DUSP16: variants seen among roughly 807,000 people sequenced by gnomAD.
DUSP16 encodes the protein dual specificity protein phosphatase 16.
A neutral mutation model predicts 58.3 loss-of-function variants in DUSP16; 21 were observed. That is an observed-to-expected ratio of 0.36 (90% CI 0.26 to 0.52). The LOEUF is 0.52. DUSP16 is among the 20% of genes least tolerant of loss of function. The probability of loss-of-function intolerance (pLI) is 0.94; values close to 1 mark genes in which losing one functional copy is unlikely to be tolerated. For missense variants in DUSP16, 726 were observed against 819.0 expected, an observed-to-expected ratio of 0.89 and a Z score of 1.39; for synonymous variants, 320 against 323.8, an observed-to-expected ratio of 0.99 and a Z score of 0.12.
intron 1 of DUSP16, among the ~76,000 whole-genome samples, chr12:12,560,560 C>T (rs959240184): frequency 1.3e-5 from 2 of 152,066 alleles, no homozygotes; most frequent in African/African-American, 4.8e-5. Context: ...AACCTTTCAC[C>T]GTGCCTACTC....
chr12:12,492,831 A>C (rs1943779881), intron 4 of DUSP16, among the ~76,000 whole-genome samples: 1 of 152,076 alleles, frequency 6.6e-6, no homozygotes, highest in Non-Finnish European at 1.5e-5. Flanking sequence ...TTCTTGACCT[A>C]AAGTACTACT....
intron 1 of DUSP16, among the ~76,000 whole-genome samples, chr12:12,533,112 A>G (rs970697768): frequency 1.7e-4 from 26 of 152,230 alleles, no homozygotes; most frequent in African/African-American, 5.5e-4. Flanking sequence ...TCACATGTTT[A>G]TGACTATGAA....
intron 1 of DUSP16, among the ~76,000 whole-genome samples, chr12:12,551,313 C>A (rs1442538046): frequency 1.3e-5 from 2 of 151,874 alleles, no homozygotes; most frequent in East Asian, 3.9e-4. Context: ...ACCAGCCTAA[C>A]CAACATGGCG....
At chr12:12,487,286 T>G in intron 4 of DUSP16, 99 bp from the exon 5 acceptor site, 1 of 1,305,394 alleles carries the variant, frequency 7.7e-7, no homozygotes, top group Non-Finnish European at 1.1e-6. Flanking sequence ...AATGCCCAGT[T>G]TCCTTGAAAT....
chr12:12,503,068 G>C (rs567469191), intron 3 of DUSP16, among the ~76,000 whole-genome samples: 2 of 3,062 alleles, frequency 6.5e-4, no homozygotes, highest in Admixed American at 6.1e-3. Flanking sequence ...GATTTGTCAA[G>C]TTACTTAAGC....
intron 3 of DUSP16, among the ~76,000 whole-genome samples, chr12:12,503,080 CCTCCTACTCTAATT>C (rs1419451135): frequency 2.0e-5 from 3 of 152,026 alleles, no homozygotes; most frequent in African/African-American, 7.3e-5. Context: ...TACTTAAGCC[CCTCCTACTCTAATT>C]TCCTCATCTA....
At chr12:12,558,789 CTGAGG>C (rs71997147) in intron 1 of DUSP16, among the ~76,000 whole-genome samples, 47,600 of 151,800 alleles carry the variant, frequency 0.31, 8,292 homozygotes, top group East Asian at 0.4. Context: ...TCTCTTGTTG[CTGAGG>C]TATCAGAGGG....
Position 12,516,364 on chromosome 12 carries a change from A to T in DUSP16, c.367+3498T>A, listed in dbSNP as rs543178575. Among the ~76,000 whole-genome samples the T allele has an allele frequency of 2.6e-5, 4 of 152,338 alleles. No homozygotes were observed. The South Asian group carries it at 6.2e-4, about 24-fold the overall frequency. ...TGAAACAATGCTATGGCTTAGTTTG[A>T]CTTGGTTAGTAGGTTATTTACTAAT... On this transcript the variant is annotated intron_variant, in intron 3 of 6. Transcript: ENST00000298573.
chr12:12,483,364 CTTATT>C (rs1225182088), intron 5 of DUSP16, among the ~76,000 whole-genome samples: 1 of 151,916 alleles, frequency 6.6e-6, no homozygotes, highest in Non-Finnish European at 1.5e-5. Context: ...ATCTATTTTA[CTTATT>C]TTTATTTTAT....
chr12:12,530,622 T>C (rs1944369943), intron 1 of DUSP16, among the ~76,000 whole-genome samples: 1 of 152,200 alleles, frequency 6.6e-6, no homozygotes, highest in African/African-American at 2.4e-5. Context: ...TAGTACAATT[T>C]CTTCCTTAAA....
chr12:12,539,089 C>G (rs1242666218), intron 1 of DUSP16, among the ~76,000 whole-genome samples: 2 of 152,096 alleles, frequency 1.3e-5, no homozygotes, highest in Non-Finnish European at 2.9e-5. Context: ...CACGAACAAG[C>G]AGAGGTGGAT....
intron 3 of DUSP16, among the ~76,000 whole-genome samples, chr12:12,509,223 C>G (rs945139834): frequency 1.9e-4 from 29 of 152,216 alleles, no homozygotes; most frequent in Non-Finnish European, 8.8e-5. Context: ...GTCACAGAGT[C>G]TCCCTACTAT....
At chr12:12,521,599 G>T in intron 1 of DUSP16, 136 bp from the exon 2 acceptor site, 1 of 247,946 alleles carries the variant, frequency 4.0e-6, no homozygotes, top group Non-Finnish European at 6.4e-6. Flanking sequence ...TGCTTCATTT[G>T]AACAAACAAA....
intron 1 of DUSP16, among the ~76,000 whole-genome samples, chr12:12,535,487 TA>T (rs1944451569): frequency 1.3e-5 from 2 of 152,184 alleles, no homozygotes; most frequent in Non-Finnish European, 2.9e-5. Flanking sequence ...TGGCCCTCTA[TA>T]ATTCTGGGTG....
chr12:12,535,968 G>A (rs1054467258), intron 1 of DUSP16, among the ~76,000 whole-genome samples: 2 of 152,190 alleles, frequency 1.3e-5, no homozygotes, highest in African/African-American at 4.8e-5. Flanking sequence ...AAAGAATCCT[G>A]AAGTCTAAAG....
chr12:12,548,505 G>A (rs1422970150), intron 1 of DUSP16, among the ~76,000 whole-genome samples: 2 of 151,646 alleles, frequency 1.3e-5, no homozygotes, highest in Non-Finnish European at 2.9e-5. Flanking sequence ...GGTGGCACGT[G>A]CCTGTAATCC....
chr12:12,521,068 C>T lies in DUSP16; in HGVS notation c.31G>A (p.Val11Ile). The change falls in exon 2 of 7, where the codon GTT (valine) becomes ATT (isoleucine). Residue 11 changes from valine (V) to isoleucine (I), a missense_variant. Physicochemically the swap from Val to Ile is conservative, Grantham distance 29. Coordinates refer to ENST00000298573, the MANE Select transcript of DUSP16 (RefSeq NM_030640.3). Reference sequence around the variant, plus strand: ...AGCAGAGCCACCAACCTCTCAGTAACAATTTGAGTTCCAATCATCTCATGG... The same window carrying T: ...AGCAGAGCCACCAACCTCTCAGTAATAATTTGAGTTCCAATCATCTCATGG... MAHEMIGTQI[V>I]TERLVALLES... 6.2e-7 allele frequency: 1 copy of T among 1,614,156 alleles called. No individual in the cohort carries two copies.
At chr12:12,502,168 C>G (rs1260435365) in intron 3 of DUSP16, among the ~76,000 whole-genome samples, 2 of 152,046 alleles carry the variant, frequency 1.3e-5, no homozygotes, top group African/African-American at 4.8e-5. Flanking sequence ...CAAAATATGC[C>G]CTTGAAAACT....
chr12:12,532,731 T>G (rs546374461), intron 1 of DUSP16, among the ~76,000 whole-genome samples: 42 of 152,232 alleles, frequency 2.8e-4, no homozygotes, highest in African/African-American at 1.0e-3. Context: ...GCAGATCACC[T>G]GAGGTCAAGA....
Sources: gnomAD v4.1 joint callset for allele counts (sites outside exome capture counted in the v4.1 genomes callset) on GRCh38, gnomAD v4.1.1 for gene constraint, MANE v1.5 for transcripts, NCBI Gene and HGNC (gene_info 2026-07-23, HGNC 2026-07-21) for gene names.